OPN3: variants seen among roughly 807,000 people sequenced by gnomAD.
OPN3 encodes opsin-3.
A neutral mutation model predicts 33.8 loss-of-function variants in OPN3; 29 were observed. The ratio of observed to expected loss-of-function variants is 0.86; its 90% CI spans 0.64 to 1.17. OPN3 has a LOEUF of 1.17. Among genes scored for constraint, OPN3 ranks in the 50% most tolerant of loss-of-function variants. OPN3 has a pLI of 0.00. For synonymous variants in OPN3, 216 were observed against 216.1 expected (o/e 1.00, Z 0.00); for missense variants, 437 against 514.1 (o/e 0.85, Z 1.45).
At chr1:241,598,359 T>C (rs650833) in intron 2 of OPN3, among the ~76,000 whole-genome samples, 136,483 of 152,202 alleles carry the variant, frequency 0.9, 61,242 homozygotes, top group Middle Eastern at 0.95. Context: ...AGAATTTCCC[T>C]GTGATCCTGG....
At chr1:241,624,758 C>T (rs1664367492) in intron 1 of OPN3, among the ~76,000 whole-genome samples, 1 of 152,208 alleles carries the variant, frequency 6.6e-6, no homozygotes, top group African/African-American at 2.4e-5. Context: ...CTGGACTTCA[C>T]TGGACACCTC....
chr1:241,626,584 A>G (rs968981936), intron 1 of OPN3, among the ~76,000 whole-genome samples: 1 of 152,200 alleles, frequency 6.6e-6, no homozygotes, highest in Admixed American at 6.5e-5. Flanking sequence ...TTAATTGCCT[A>G]AAAACAAGAC....
At chr1:241,612,473 A>T (rs948206430) in intron 1 of OPN3, among the ~76,000 whole-genome samples, 8 of 152,214 alleles carry the variant, frequency 5.3e-5, no homozygotes, top group Non-Finnish European at 1.2e-4. Context: ...TCTTTATGAG[A>T]CCATCCCTAG....
intron 1 of OPN3, among the ~76,000 whole-genome samples, chr1:241,612,911 C>T (rs1664034762): frequency 6.6e-6 from 1 of 152,158 alleles, no homozygotes; most frequent in Non-Finnish European, 1.5e-5. Flanking sequence ...ACCCAGATCT[C>T]CTCAGGGAGA....
At chr1:241,639,010 TTTC>T (rs1665008897) in intron 1 of OPN3, among the ~76,000 whole-genome samples, 1 of 152,236 alleles carries the variant, frequency 6.6e-6, no homozygotes, top group African/African-American at 2.4e-5. Context: ...AATAATTTCC[TTTC>T]TACGCTTCCT....
At chr1:241,606,921 T>C (rs867763485) in intron 1 of OPN3, among the ~76,000 whole-genome samples, 7 of 152,340 alleles carry the variant, frequency 4.6e-5, no homozygotes, top group Middle Eastern at 3.4e-3. Context: ...CTTTTTGTTT[T>C]CATAAAATTG....
rs1265827043 is a variant in OPN3, at chr1:241,593,595, AGACAGATT to A, written c.*825_*832del. On this transcript the variant is annotated 3_prime_UTR_variant, in exon 4 of 4. Transcript: ENST00000366554. ...CCTTGGCTGGGGCCCCTATAACAAAAGACAGATTGACAAGAGAAAAACAAACATAAATT... is the reference window on the plus strand; with the variant it reads ...CCTTGGCTGGGGCCCCTATAACAAAAGACAAGAGAAAAACAAACATAAATT... 1 of 229,396 alleles carries A rather than the reference AGACAGATT, an allele frequency of 4.4e-6. No individual in the cohort carries two copies. Among genetic ancestry groups the A allele is most frequent in the Admixed American group, 4.3e-5 (1 of 22,994 alleles). The allele number at this position is 229,396 out of a possible 1,614,324, so 14.2% of individuals were successfully genotyped here. A position where few individuals can be genotyped will look rare whatever the true frequency, so the allele number is the denominator to read the frequency against.
intron 1 of OPN3, chr1:241,614,010 A>T (rs192118552): frequency 0.022 from 3,308 of 152,232 alleles, 52 homozygotes; most frequent in South Asian, 0.037. Context: ...TCTACTAAAA[A>T]TACAAAAATT....
chr1:241,619,169 G>T (rs1664212201), intron 1 of OPN3, among the ~76,000 whole-genome samples: 2 of 152,094 alleles, frequency 1.3e-5, no homozygotes, highest in African/African-American at 2.4e-5. Flanking sequence ...TTCATACTGG[G>T]CTCTAAAACT....
chr1:241,617,426 G>A (rs1274146012), intron 1 of OPN3, among the ~76,000 whole-genome samples: 2 of 152,150 alleles, frequency 1.3e-5, no homozygotes, highest in Non-Finnish European at 2.9e-5. Flanking sequence ...TAACCTGACA[G>A]CAAATGAAAA....
intron 1 of OPN3, among the ~76,000 whole-genome samples, chr1:241,608,372 G>C (rs1351996428): frequency 6.6e-6 from 1 of 152,156 alleles, no homozygotes; most frequent in Non-Finnish European, 1.5e-5. Context: ...TGATGTTTCA[G>C]TCACTGTGCT....
chr1:241,614,558 C>T (rs969143173), intron 1 of OPN3, among the ~76,000 whole-genome samples: 1 of 152,234 alleles, frequency 6.6e-6, no homozygotes, highest in Admixed American at 6.5e-5. Flanking sequence ...TCCTAGGCTA[C>T]GCTGGGCACC....
At chr1:241,598,641 C>T (rs879468023) in intron 2 of OPN3, among the ~76,000 whole-genome samples, 4 of 152,204 alleles carry the variant, frequency 2.6e-5, no homozygotes, top group Non-Finnish European at 4.4e-5. Flanking sequence ...AGCCTGTCTA[C>T]TCGCAGTCTG....
intron 1 of OPN3, chr1:241,628,821 C>G (rs1264094433): frequency 6.6e-6 from 1 of 152,236 alleles, no homozygotes; most frequent in Non-Finnish European, 1.5e-5. Flanking sequence ...ATTTTAGAAA[C>G]TTCTAAGAAA....
At chr1:241,631,004 G>C (rs188265592) in intron 1 of OPN3, 1 of 152,138 alleles carries the variant, frequency 6.6e-6, no homozygotes, top group East Asian at 1.9e-4. Context: ...CTGAGAACAT[G>C]TCTGCCTCAA....
At chr1:241,615,122 A>T (rs1014269298) in intron 1 of OPN3, among the ~76,000 whole-genome samples, 20 of 152,172 alleles carry the variant, frequency 1.3e-4, no homozygotes, top group African/African-American at 4.8e-4. Flanking sequence ...AGTGGGAAAA[A>T]AGTTTGAATA....
chr1:241,640,329 T>G lies in OPN3; in HGVS notation c.-75A>C, dbSNP rs1347949013. On this transcript the variant is annotated 5_prime_UTR_variant, in exon 1 of 4. Coordinates refer to ENST00000366554, the MANE Select transcript of OPN3 (RefSeq NM_014322.3). ...GGCTCGCGGCGCGCTCCGCACTGGG[T>G]GGGGTTGGGGCTCCGCCGCCTGCTC... is the stretch of plus-strand genomic sequence containing the variant. 4 of 1,082,882 alleles carry G rather than the reference T, an allele frequency of 3.7e-6. No individual in the cohort carries two copies. The highest frequency in any genetic ancestry group is 4.5e-6 in the Non-Finnish European group (4 of 896,166). 67.1% of individuals were successfully genotyped at this position (1,082,882 alleles called of 1,614,324 possible). A position where few individuals can be genotyped will look rare whatever the true frequency, so the allele number is the denominator to read the frequency against.
At chr1:241,598,616 C>T (rs1215417666) in intron 2 of OPN3, among the ~76,000 whole-genome samples, 1 of 152,192 alleles carries the variant, frequency 6.6e-6, no homozygotes, top group Non-Finnish European at 1.5e-5. Context: ...TAAAACAACT[C>T]CTTCCTCTAA....
chr1:241,597,707 T>C (rs1440423055), intron 3 of OPN3, 39 bp downstream of exon 3: 3 of 1,596,902 alleles, frequency 1.9e-6, no homozygotes, highest in South Asian at 1.1e-5. Context: ...TCCAACTCTA[T>C]GCCCAGGGTG....
Sources: gnomAD v4.1 joint callset for allele counts (sites outside exome capture counted in the v4.1 genomes callset) on GRCh38, gnomAD v4.1.1 for gene constraint, MANE v1.5 for transcripts, NCBI Gene and HGNC (gene_info 2026-07-23, HGNC 2026-07-21) for gene names.